The following DIAPH3 variants were observed in gnomAD, a reference collection of about 807,000 sequenced individuals.
DIAPH3 encodes the protein diaphanous related formin 3, also known as protein diaphanous homolog 3.
A neutral mutation model predicts 144.3 loss-of-function variants in DIAPH3; 117 were observed. That is an observed-to-expected ratio of 0.81 (90% CI 0.70 to 0.95). The LOEUF is 0.95. Among genes scored for constraint, DIAPH3 ranks in the 40% least tolerant of loss-of-function variants. The pLI, the probability that DIAPH3 is intolerant of heterozygous loss-of-function variation, is 0.00. For synonymous variants in DIAPH3, 519 were observed against 488.9 expected, an observed-to-expected ratio of 1.06 and a Z score of -0.81; for missense variants, 1,421 against 1,412.7, an observed-to-expected ratio of 1.01 and a Z score of -0.09.
intron 19 of DIAPH3, 102 bp downstream of exon 19, chr13:59,916,053 G>T: frequency 1.0e-6 from 1 of 977,486 alleles, no homozygotes; most frequent in South Asian, 1.4e-5. Flanking sequence ...TGATTTTCCA[G>T]TTGAATGATT....
At chr13:59,706,922 T>C (rs1485395363) in intron 27 of DIAPH3, among the ~76,000 whole-genome samples, 1 of 152,220 alleles carries the variant, frequency 6.6e-6, no homozygotes, top group African/African-American at 2.4e-5. Context: ...TATGTTGCTA[T>C]TTTATAGTAA....
Position 59,984,538 on chromosome 13 carries a change from G to A in DIAPH3, c.1362-651C>T, listed in dbSNP as rs533870135. ...TGGTCATAGGTGAAACATCCCTTAA[G>A]ATTTTGAAAGGATCAACAAAATTGA... On this transcript the variant is annotated intron_variant, in intron 12 of 27. Transcript: ENST00000400324. Among the ~76,000 whole-genome samples, 7 of 151,748 alleles carry A rather than the reference G, an allele frequency of 4.6e-5. No individual in the cohort carries two copies. In the East Asian group the frequency reaches 1.4e-3, roughly 30 times the overall value.
intron 25 of DIAPH3, among the ~76,000 whole-genome samples, chr13:59,779,136 T>C (rs865959811): frequency 2.7e-4 from 41 of 152,188 alleles, no homozygotes; most frequent in Non-Finnish European, 1.3e-4. Flanking sequence ...CCTCTACCCC[T>C]GCTCTCATCC....
chr13:59,733,310 T>C (rs1345706855), intron 27 of DIAPH3, among the ~76,000 whole-genome samples: 6 of 152,204 alleles, frequency 3.9e-5, no homozygotes, highest in Non-Finnish European at 8.8e-5. Context: ...TCTAACCATT[T>C]CTTTTCCTCA....
At chr13:59,740,112 C>A (rs1026550766) in intron 27 of DIAPH3, among the ~76,000 whole-genome samples, 24 of 152,138 alleles carry the variant, frequency 1.6e-4, no homozygotes, top group African/African-American at 5.5e-4. Flanking sequence ...ACACCATTCA[C>A]ATTTTTGATA....
rs556528813 is a variant in DIAPH3 at position 59,702,254 on chromosome 13, T to G, written c.3320-35408A>C. ...TGAAGAAATGCCCTAGCTTTCTAAC[T>G]AGATGCCTTCTCATTACCTAACTTA... On this transcript the variant is annotated intron_variant, in intron 27 of 27. Transcript: ENST00000400324. Among the ~76,000 whole-genome samples the G allele has an allele frequency of 2.0e-5, 3 of 152,340 alleles. No individual in the cohort carries two copies. The East Asian group carries it at 5.8e-4, about 29-fold the overall frequency.
chr13:59,811,186 G>A (rs1227216579), intron 24 of DIAPH3, among the ~76,000 whole-genome samples: 1 of 151,924 alleles, frequency 6.6e-6, no homozygotes, highest in African/African-American at 2.4e-5. Flanking sequence ...ACCTAAAAGG[G>A]AGATGGGAGA....
chr13:59,741,824 TA>T (rs1238139956), intron 27 of DIAPH3, among the ~76,000 whole-genome samples: 1 of 152,070 alleles, frequency 6.6e-6, no homozygotes, highest in Non-Finnish European at 1.5e-5. Context: ...CAAAATGACA[TA>T]GGGGGTAAAA....
In DIAPH3 at chr13:59,897,898, G is replaced by A. The variant is rs529848516; in HGVS notation, c.2367+13837C>T. Among the ~76,000 whole-genome samples, 85 of 151,816 alleles carry A rather than the reference G, an allele frequency of 5.6e-4. 3 individuals are homozygous for A. The South Asian group carries it at 0.017, about 31-fold the overall frequency. ...TGTAATTCCAGCACTTTGGGAAACCGAGGCAGGTAGATCACTTGAAGTCAG... is the reference window on the plus strand; with the variant it reads ...TGTAATTCCAGCACTTTGGGAAACCAAGGCAGGTAGATCACTTGAAGTCAG... On this transcript the variant is annotated intron_variant, in intron 20 of 27. Coordinates refer to ENST00000400324, the MANE Select transcript of DIAPH3 (RefSeq NM_001042517.2).
chr13:59,874,780 A>G (rs1041906127), intron 21 of DIAPH3, among the ~76,000 whole-genome samples: 8 of 152,328 alleles, frequency 5.3e-5, no homozygotes, highest in Non-Finnish European at 1.2e-4. Flanking sequence ...TTCAAAACTT[A>G]TATCTATTAC....
At chr13:59,786,823 C>T (rs2039056676) in intron 25 of DIAPH3, among the ~76,000 whole-genome samples, 1 of 152,096 alleles carries the variant, frequency 6.6e-6, no homozygotes, top group African/African-American at 2.4e-5. Flanking sequence ...TAATGAGCAA[C>T]AGAGGCTGGG....
chr13:59,912,987 T>C (rs1264907918), intron 19 of DIAPH3, among the ~76,000 whole-genome samples: 1 of 152,146 alleles, frequency 6.6e-6, no homozygotes, highest in African/African-American at 2.4e-5. Flanking sequence ...ATTAATACTA[T>C]CAAATTGAAT....
intron 27 of DIAPH3, among the ~76,000 whole-genome samples, chr13:59,684,782 TAAAG>T (rs1215169858): frequency 1.3e-5 from 2 of 152,172 alleles, no homozygotes; most frequent in African/African-American, 4.8e-5. Flanking sequence ...GTTGTACAAA[TAAAG>T]AAAGAACTTT....
chr13:60,162,961 A>G (rs1952372552), intron 1 of DIAPH3, among the ~76,000 whole-genome samples: 1 of 152,164 alleles, frequency 6.6e-6, no homozygotes, highest in African/African-American at 2.4e-5. Flanking sequence ...CACAAACCCC[A>G]AAATAATCAT....
chr13:59,983,096 A>G (rs372401231), intron 13 of DIAPH3, among the ~76,000 whole-genome samples: 1 of 150,708 alleles, frequency 6.6e-6, no homozygotes, highest in African/African-American at 2.4e-5. Flanking sequence ...AAACTTTAAT[A>G]AAAACTCAAA....
intron 25 of DIAPH3, among the ~76,000 whole-genome samples, chr13:59,780,519 G>A (rs2139324545): frequency 6.6e-6 from 1 of 152,246 alleles, no homozygotes; most frequent in East Asian, 1.9e-4. Context: ...CCCCTGCTGT[G>A]AAAACTCTTA....
At chr13:60,003,731 G>T (rs910165579) in intron 9 of DIAPH3, among the ~76,000 whole-genome samples, 2 of 151,692 alleles carry the variant, frequency 1.3e-5, no homozygotes, top group African/African-American at 4.8e-5. Context: ...CCACCAACAC[G>T]CAAGGCAATT....
intron 20 of DIAPH3, among the ~76,000 whole-genome samples, chr13:59,895,319 C>A (rs2140143121): frequency 6.7e-6 from 1 of 150,352 alleles, no homozygotes; most frequent in East Asian, 2.0e-4. Flanking sequence ...TTCTAAATAA[C>A]TGTAATATCT....
chr13:59,793,318 C>A (rs1040370409), intron 25 of DIAPH3, among the ~76,000 whole-genome samples: 1 of 152,120 alleles, frequency 6.6e-6, no homozygotes, highest in Non-Finnish European at 1.5e-5. Flanking sequence ...TTTCTCATTC[C>A]TCCCAGTCTG....
Sources: gnomAD v4.1 joint callset for allele counts (sites outside exome capture counted in the v4.1 genomes callset) on GRCh38, gnomAD v4.1.1 for gene constraint, MANE v1.5 for transcripts, NCBI Gene and HGNC (gene_info 2026-07-23, HGNC 2026-07-21) for gene names.